KNTC1: variants seen among roughly 807,000 people sequenced by gnomAD.
KNTC1 encodes kinetochore associated 1.
Under a neutral mutation model 314.4 loss-of-function variants are expected in KNTC1, and 253 were observed. The observed-to-expected ratio is 0.80, with a 90% CI of 0.73 to 0.89. The LOEUF is 0.89. Ranked by LOEUF, KNTC1 falls within the 40% of genes least tolerant of loss-of-function variation. KNTC1 has a pLI of 0.00. For missense variants in KNTC1, 2,475 were observed against 2,572.9 expected (o/e 0.96, Z 0.82); for synonymous variants, 901 against 901.4 (o/e 1.00, Z 0.01).
intron 44 of KNTC1, 29 bp from the exon 45 acceptor site, chr12:122,601,507 A>C: frequency 1.4e-5 from 21 of 1,498,860 alleles, no homozygotes; most frequent in Non-Finnish European, 1.9e-5. Flanking sequence ...AGTCTTATCA[A>C]GTTTTGATAT....
At chr12:122,586,301 C>CA (rs899806366) in intron 37 of KNTC1, among the ~76,000 whole-genome samples, 1 of 152,088 alleles carries the variant, frequency 6.6e-6, no homozygotes, top group African/African-American at 2.4e-5. Flanking sequence ...AGGCTGGTCT[C>CA]AATCTCCTGA....
intron 31 of KNTC1, among the ~76,000 whole-genome samples, chr12:122,578,211 G>A (rs916083103): frequency 1.3e-5 from 2 of 152,076 alleles, no homozygotes; most frequent in African/African-American, 4.8e-5. Context: ...TTTTGCAGAT[G>A]AGGAATACTT....
chr12:122,604,760 A>C, intron 49 of KNTC1, 117 bp from the exon 50 acceptor site: 1 of 1,233,094 alleles, frequency 8.1e-7, no homozygotes. Flanking sequence ...CTTTATGTAG[A>C]TGCTTAGGAA....
rs531317872 is a variant in KNTC1, at chr12:122,587,855, A to G, written c.3875A>G (p.Asn1292Ser). ...CLQHSVSNFM[N>S]ATLSEKLFGE... ...CAGCACTCTGTGTCAAACTTCATGA[A>G]TGCCACTTTGAGTGAAAAGGTATAG... is the stretch of plus-strand genomic sequence containing the variant. The change falls in exon 39 of 64, where the codon AAT becomes AGT. Residue 1292 changes from asparagine to serine, a missense_variant. Asn to Ser is a conservative substitution (Grantham distance 46). Transcript: ENST00000333479. The G allele has an allele frequency of 3.1e-6, 5 of 1,613,640 alleles. No homozygotes were observed. Among genetic ancestry groups the G allele is most frequent in the Admixed American group, 1.7e-5 (1 of 59,968 alleles).
chr12:122,609,325 ATG>A (rs1196928664), intron 51 of KNTC1, 57 bp from the exon 52 acceptor site: 2 of 960,782 alleles, frequency 2.1e-6, no homozygotes, highest in African/African-American at 3.3e-5. Flanking sequence ...AGAGAGATGA[ATG>A]TTTGTTTAGT....
rs2138086174 is a variant in KNTC1 at position 122,597,832 on chromosome 12, C to A, written c.4457C>A (p.Ser1486Tyr). 1.2e-6 allele frequency: 2 copies of A among 1,614,034 alleles called. No homozygotes were observed. Among genetic ancestry groups the A allele is most frequent in the Admixed American group, 3.3e-5 (2 of 60,022 alleles). Residue 1486 changes from serine to tyrosine, a missense_variant, in exon 44 of 64, where the codon TCT becomes TAT. By Grantham distance (144) the Ser-to-Tyr change is moderately radical (BLOSUM62 -2). Transcript: ENST00000333479. ...GQGQGDASMD[S>Y]AKRRHPKLLA... ...GGCCAGGGAGATGCAAGCATGGACT[C>A]TGCAAAGCGGCGGCATCCCAAACTC...
rs1453097789 is a variant in KNTC1, at chr12:122,568,293, A to G, written c.1637A>G (p.Glu546Gly). ...TCTTGGATTGAATTTCTAAATAATG[A>G]AGATGATCTTAAAGATATTTTTTTA... Reference protein sequence around the residue: ...GSSWIEFLNNEDDLKDIFLQL... With the variant: ...GSSWIEFLNNGDDLKDIFLQL... Residue 546 changes from glutamate (E) to glycine (G), a missense_variant, in exon 21 of 64, where the codon GAA becomes GGA. Glu to Gly is a moderately conservative substitution (Grantham distance 98). Transcript: ENST00000333479. 1 of 1,578,492 alleles carries G rather than the reference A, an allele frequency of 6.3e-7. No individual in the cohort carries two copies. The highest frequency in any genetic ancestry group is 8.7e-7 in the Non-Finnish European group (1 of 1,149,614).
intron 63 of KNTC1, 45 bp from the exon 64 acceptor site, chr12:122,626,160 A>G: frequency 7.1e-7 from 1 of 1,413,636 alleles, no homozygotes; most frequent in Non-Finnish European, 9.9e-7. Context: ...AATTTGAAAA[A>G]CTAAGTGACT....
Position 122,614,202 on chromosome 12 carries a change from A to T in KNTC1, c.5877+441A>T, listed in dbSNP as rs551803269. On this transcript the variant is annotated intron_variant, in intron 55 of 63. Transcript: ENST00000333479. ...TCTACTCTCCTGTCACAGCGTGTGG[A>T]TGGATAAGGCAGTGTGGAAGGTCCT... Among the ~76,000 whole-genome samples the T allele has an allele frequency of 2.6e-5, 4 of 152,262 alleles. No homozygotes were observed. The South Asian group carries it at 6.2e-4, about 24-fold the overall frequency.
At chr12:122,556,069 G>T (rs1480856819) in intron 16 of KNTC1, among the ~76,000 whole-genome samples, 2 of 151,718 alleles carry the variant, frequency 1.3e-5, no homozygotes, top group Admixed American at 1.3e-4. Context: ...CTGGGGTGCA[G>T]TGGCGCGATT....
rs775473927 is a variant in KNTC1 at position 122,594,287 on chromosome 12, A to G, written c.4257A>G (p.Gln1419=). Residue 1419 remains glutamine (Q), a synonymous_variant, in exon 43 of 64, where the codon CAA becomes CAG. Coordinates refer to ENST00000333479, the MANE Select transcript of KNTC1 (RefSeq NM_014708.6). The part of the protein sequence containing the change: ...IRLGKLGISF[Q]PVFRQHFLTK... Reference sequence around the variant, plus strand: ...CTTTTTATTTCTAGATTTCTTTTCAACCAGTTTTCAGGCAACATTTTCTCA... The same window carrying G: ...CTTTTTATTTCTAGATTTCTTTTCAGCCAGTTTTCAGGCAACATTTTCTCA... 10 of 1,597,114 alleles carry G rather than the reference A, an allele frequency of 6.3e-6. No homozygotes were observed. Among genetic ancestry groups the G allele is most frequent in the South Asian group, 4.4e-5 (4 of 90,182 alleles).
chr12:122,622,033 C>A, intron 61 of KNTC1, 63 bp downstream of exon 61: 1 of 1,163,392 alleles, frequency 8.6e-7, no homozygotes, highest in Non-Finnish European at 1.3e-6. Flanking sequence ...TAGTCATTTT[C>A]CCAAACCAAG....
In KNTC1 at chr12:122,568,364, C is replaced by T. The variant is rs368001390; in HGVS notation, c.1708C>T (p.Arg570Ter). The change falls in exon 21 of 64, where the codon CGA (arginine) becomes TGA (stop). Residue 570 changes from arginine to a stop codon, truncating the protein, a stop_gained. Coordinates refer to ENST00000333479, the MANE Select transcript of KNTC1 (RefSeq NM_014708.6). LOFTEE classifies it high-confidence loss of function. ...TGTTTGTGCACAGTATCTTTGGCTT[C>T]GACATCGGGTAACATGTTTTACATT... ...NLVCAQYLWL[R>*]HRANFESRFD... 1.3e-5 allele frequency: 21 copies of T among 1,565,688 alleles called. No homozygotes were observed. Among genetic ancestry groups the T allele is most frequent in the African/African-American group, 9.5e-5 (7 of 73,808 alleles).
chr12:122,622,939 ACT>A (rs1258059277), intron 62 of KNTC1, among the ~76,000 whole-genome samples: 2 of 151,290 alleles, frequency 1.3e-5, no homozygotes, highest in Admixed American at 6.6e-5. Context: ...CAGGAGCGAA[ACT>A]CTGTCTCAAA....
intron 3 of KNTC1, among the ~76,000 whole-genome samples, chr12:122,535,816 C>CA (rs1182186146): frequency 6.9e-6 from 1 of 145,868 alleles, no homozygotes; most frequent in East Asian, 2.0e-4. Context: ...AGTCGTGTCT[C>CA]AAAAACAAAA....
intron 16 of KNTC1, among the ~76,000 whole-genome samples, chr12:122,556,343 T>C (rs1963590704): frequency 6.6e-6 from 1 of 151,856 alleles, no homozygotes; most frequent in African/African-American, 2.4e-5. Context: ...AAATATACAT[T>C]ATTACTAACT....
intron 16 of KNTC1, among the ~76,000 whole-genome samples, chr12:122,552,630 T>C (rs542765326): frequency 2.6e-5 from 4 of 152,130 alleles, no homozygotes; most frequent in Non-Finnish European, 4.4e-5. Context: ...TCCCAAAGTT[T>C]TGAGATTACA....
At chr12:122,557,805 A>G in intron 18 of KNTC1, 116 bp downstream of exon 18, 1 of 704,160 alleles carries the variant, frequency 1.4e-6, no homozygotes, top group Non-Finnish European at 2.4e-6. Flanking sequence ...TATTATTAAT[A>G]AAAAAGTTTT....
Position 122,590,631 on chromosome 12 carries a change from C to G in KNTC1, c.4024C>G (p.Leu1342Val). 1 of 1,613,108 alleles carries G rather than the reference C, an allele frequency of 6.2e-7. No individual in the cohort carries two copies. The change falls in exon 41 of 64, where the codon CTT (leucine) becomes GTT (valine). Residue 1342 changes from leucine to valine, a missense_variant. By Grantham distance (32) the Leu-to-Val change is conservative (BLOSUM62 1). Coordinates refer to ENST00000333479, the MANE Select transcript of KNTC1 (RefSeq NM_014708.6). ...GGTATTTAATTGTCGCTTGGTAGAT[C>G]TTGACCTGGCGTTGGGTTACTGCAC... ...HKVFNCRLVD[L>V]DLALGYCTLL...
Sources: allele counts gnomAD v4.1 joint callset (sites outside exome capture counted in the v4.1 genomes callset), GRCh38; gene constraint gnomAD v4.1.1; transcripts MANE v1.5; gene names NCBI Gene and HGNC (gene_info 2026-07-23, HGNC 2026-07-21).